The following SENP8 variants were observed in gnomAD, a reference collection of about 807,000 sequenced individuals.
SENP8 encodes the protein sentrin-specific protease 8.
Under a neutral mutation model 14.4 loss-of-function variants are expected in SENP8, and 10 were observed. The observed-to-expected ratio is 0.69, with a 90% CI of 0.43 to 1.18. SENP8 has a LOEUF of 1.18. Ranked by LOEUF, SENP8 falls within the 50% of genes most tolerant of loss-of-function variation. The pLI, the probability that SENP8 is intolerant of heterozygous loss-of-function variation, is 0.00. For missense variants in SENP8, 202 were observed against 249.4 expected, an observed-to-expected ratio of 0.81 and a Z score of 1.28; for synonymous variants, 94 against 95.5, an observed-to-expected ratio of 0.98 and a Z score of 0.09.
At chr15:72,126,196 G>A (rs2081217375) in intron 1 of SENP8, among the ~76,000 whole-genome samples, 1 of 151,998 alleles carries the variant, frequency 6.6e-6, no homozygotes, top group Non-Finnish European at 1.5e-5. Context: ...CAGTATACTA[G>A]CACTAGCCAC....
Position 72,122,208 on chromosome 15 carries a change from C to T in SENP8, c.-48+3744C>T, listed in dbSNP as rs974126332. On this transcript the variant is annotated intron_variant, in intron 1 of 1. Transcript: ENST00000340912. ...CATCTCCTTTGAAACTGATCAATAC[C>T]GGACTATAAAAACTTACTGCTCAAA... is the stretch of plus-strand genomic sequence containing the variant. 6.0e-5 allele frequency among the ~76,000 whole-genome samples: 9 copies of T among 148,878 alleles called. No homozygotes were observed. In the East Asian group the frequency reaches 1.4e-3, roughly 23 times the overall value.
intron 1 of SENP8, among the ~76,000 whole-genome samples, chr15:72,122,181 C>A (rs1197923041): frequency 2.6e-5 from 4 of 151,240 alleles, no homozygotes; most frequent in African/African-American, 9.7e-5. Flanking sequence ...GCCCAGGCAA[C>A]CCATCTCCTT....
intron 1 of SENP8, among the ~76,000 whole-genome samples, chr15:72,138,373 G>A (rs183518593): frequency 3.6e-5 from 5 of 138,844 alleles, no homozygotes; most frequent in African/African-American, 1.3e-4. Context: ...TTTTTGAGAT[G>A]GAGTCTTGCT....
intron 1 of SENP8, among the ~76,000 whole-genome samples, chr15:72,126,798 G>A (rs1268448140): frequency 6.6e-6 from 1 of 152,178 alleles, no homozygotes; most frequent in South Asian, 2.1e-4. Flanking sequence ...CTCTCTCATT[G>A]ATTTGTAAAG....
Position 72,140,453 on chromosome 15 carries a change from T to C in SENP8, c.*191T>C, listed in dbSNP as rs1376938002. 5.2e-6 allele frequency: 3 copies of C among 580,960 alleles called. No homozygotes were observed. Among genetic ancestry groups the C allele is most frequent in the East Asian group, 5.8e-5 (2 of 34,776 alleles). The allele number at this position is 580,960 out of a possible 1,614,324, so 36.0% of individuals were successfully genotyped here. On this transcript the variant is annotated 3_prime_UTR_variant, in exon 2 of 2. Transcript: ENST00000340912. ...CACTTTAACCCTGACTGGGGAGCAA[T>C]ATGTTCTGTGAAAATATCTTGAAAT... is the stretch of plus-strand genomic sequence containing the variant.
chr15:72,129,239 C>A (rs1350228403), intron 1 of SENP8, among the ~76,000 whole-genome samples: 1 of 152,110 alleles, frequency 6.6e-6, no homozygotes, highest in Non-Finnish European at 1.5e-5. Context: ...CATTAAAAAT[C>A]CAGATTGAGT....
chr15:72,137,907 G>C (rs1345139866), intron 1 of SENP8, among the ~76,000 whole-genome samples: 2 of 152,024 alleles, frequency 1.3e-5, no homozygotes, highest in African/African-American at 4.8e-5. Flanking sequence ...GGGAAGCGGA[G>C]TTTGCAGTGA....
chr15:72,115,604 A>C (rs988161677), upstream of SENP8, among the ~76,000 whole-genome samples: 1 of 152,232 alleles, frequency 6.6e-6, no homozygotes, highest in African/African-American at 2.4e-5. Context: ...CCTGGCCTTT[A>C]GTCTTATTCT....
intron 1 of SENP8, among the ~76,000 whole-genome samples, chr15:72,123,771 C>T (rs1300725633): frequency 6.6e-6 from 1 of 152,186 alleles, no homozygotes; most frequent in Admixed American, 6.5e-5. Context: ...AACGCCCGAC[C>T]TCAGGTGATC....
intron 1 of SENP8, among the ~76,000 whole-genome samples, chr15:72,133,127 C>T (rs1297889588): frequency 6.6e-6 from 1 of 152,198 alleles, no homozygotes; most frequent in Non-Finnish European, 1.5e-5. Context: ...GCCAAGATTG[C>T]ACCACTGCAC....
upstream of SENP8, among the ~76,000 whole-genome samples, chr15:72,116,205 T>TTA (rs1249733814): frequency 6.6e-6 from 1 of 152,240 alleles, no homozygotes; most frequent in Non-Finnish European, 1.5e-5. Context: ...TTTTACTACA[T>TTA]TACTCTTCCG....
rs1317886915 is a variant in SENP8, at chr15:72,143,382, G to A, written c.*3120G>A. On this transcript the variant is annotated 3_prime_UTR_variant, in exon 2 of 2. Coordinates refer to ENST00000340912, the MANE Select transcript of SENP8 (RefSeq NM_145204.4). ...TGAAAACTTAGTTTTATATTGCTATGCAGCTAAACAGCTGTGTAAAAAATG... is the reference window on the plus strand; with the variant it reads ...TGAAAACTTAGTTTTATATTGCTATACAGCTAAACAGCTGTGTAAAAAATG... 2 of 152,062 alleles carry A rather than the reference G, an allele frequency of 1.3e-5. No individual in the cohort carries two copies. The highest frequency in any genetic ancestry group is 2.9e-5 in the Non-Finnish European group (2 of 68,012). The allele number at this position is 152,062 out of a possible 1,614,324, so 9.4% of individuals were successfully genotyped here. A position where few individuals can be genotyped will look rare whatever the true frequency, so the allele number is the denominator to read the frequency against.
intron 1 of SENP8, among the ~76,000 whole-genome samples, chr15:72,130,633 G>A (rs1369657462): frequency 4.2e-5 from 6 of 142,330 alleles, no homozygotes; most frequent in East Asian, 4.2e-4. Context: ...GCGTGATCTC[G>A]GCTCACCGCA....
intron 1 of SENP8, among the ~76,000 whole-genome samples, chr15:72,130,713 G>A (rs112616061): frequency 0.023 from 3,465 of 151,984 alleles, 125 homozygotes; most frequent in African/African-American, 0.081. Context: ...ACAGGCATGC[G>A]CCACCATGCC....
At chr15:72,117,974 C>T (rs1003959533), upstream of SENP8, 4 of 400,700 alleles carry the variant, frequency 1.0e-5, no homozygotes, top group Non-Finnish European at 1.8e-5. Context: ...CCGCCTCTGC[C>T]GGTGCAACTA....
At chr15:72,136,187 T>C (rs1169012838) in intron 1 of SENP8, among the ~76,000 whole-genome samples, 1 of 152,266 alleles carries the variant, frequency 6.6e-6, no homozygotes, top group African/African-American at 2.4e-5. Context: ...TGTGAGGCAC[T>C]ATTTGTTATG....
rs1338027477 is a variant in SENP8, at chr15:72,139,971, T to A, written c.348T>A (p.Phe116Leu). ...ACCTCCAAGATAAAAATAGCTTTTT[T>A]CATTATGATTCCCATAGCAGGAGCA... ...LVYLQDKNSF[F>L]HYDSHSRSNS... Residue 116 changes from phenylalanine (F) to leucine (L), a missense_variant, in exon 2 of 2, where the codon TTT becomes TTA. Phe to Leu is a conservative substitution (Grantham distance 22). Transcript: ENST00000340912. 10 of 1,614,104 alleles carry A rather than the reference T, an allele frequency of 6.2e-6. No individual in the cohort carries two copies. The highest frequency in any genetic ancestry group is 7.6e-6 in the Non-Finnish European group (9 of 1,180,046).
chr15:72,126,670 C>T (rs2081223481), intron 1 of SENP8, among the ~76,000 whole-genome samples: 1 of 152,092 alleles, frequency 6.6e-6, no homozygotes, highest in Non-Finnish European at 1.5e-5. Context: ...TTGGACAGCA[C>T]TGCTATGGGA....
At position 72,139,432 on chromosome 15, in the gene SENP8, A is replaced by G. The variant is rs967160258; in HGVS notation, c.-47-145A>G. The G allele has an allele frequency of 2.5e-5, 17 of 685,212 alleles. No individual in the cohort carries two copies. The African/African-American group carries it at 2.7e-4, about 11-fold the overall frequency. 42.4% of individuals were successfully genotyped at this position (685,212 alleles called of 1,614,324 possible). ...GGGTGGCAGAGGCAAAAGAAAATCC[A>G]TGTGTAAGTAGATCTGCACAGATCA... On this transcript the variant is annotated intron_variant, in intron 1 of 1. Transcript: ENST00000340912.
Sources: allele counts gnomAD v4.1 joint callset (sites outside exome capture counted in the v4.1 genomes callset), GRCh38; gene constraint gnomAD v4.1.1; transcripts MANE v1.5; gene names NCBI Gene and HGNC (gene_info 2026-07-23, HGNC 2026-07-21).